Variants in ARHGAP39 observed in about 807,000 individuals in gnomAD.
ARHGAP39 encodes Rho GTPase activating protein 39.
In ARHGAP39, 44 loss-of-function variants were observed where a neutral mutation model predicts 106.9. That is an observed-to-expected ratio of 0.41 (90% CI 0.32 to 0.53). The LOEUF (loss-of-function observed/expected upper bound fraction) is 0.53, where lower values mean the gene tolerates loss of function less well. ARHGAP39 is among the 20% of genes least tolerant of loss of function. ARHGAP39 has a pLI of 0.21. For synonymous variants in ARHGAP39, 768 were observed against 693.2 expected (o/e 1.11, Z -1.69); for missense variants, 1,496 against 1,577.3 (o/e 0.95, Z 0.87).
At position 144,533,137 on chromosome 8, in the gene ARHGAP39, CTCTG is replaced by C; in HGVS notation, c.2873_2876del (p.Thr958ArgfsTer13). On this transcript the variant is annotated frameshift_variant, in exon 9 of 12. Coordinates refer to ENST00000377307, the MANE Select transcript of ARHGAP39 (RefSeq NM_025251.3). LOFTEE classifies it high-confidence loss of function. Reference sequence around the variant, plus strand: ...GGTTGCCGTGGCACCTGAAGATGCCCTCTGTCTGGTCACCGTTGAGCGCCAGCAC... The same window carrying C: ...GGTTGCCGTGGCACCTGAAGATGCCCTCTGGTCACCGTTGAGCGCCAGCAC... 1 of 1,602,496 alleles carries C rather than the reference CTCTG, an allele frequency of 6.2e-7. No homozygotes were observed. Among genetic ancestry groups the C allele is most frequent in the Non-Finnish European group, 8.5e-7 (1 of 1,175,690 alleles).
Position 144,548,580 on chromosome 8 carries a change from G to A in ARHGAP39, c.597-91C>T, listed in dbSNP as rs376211305. On this transcript the variant is annotated intron_variant, in intron 4 of 11. Transcript: ENST00000377307. The surrounding 1 kb of genome is among the most constrained non-coding windows in gnomAD (Gnocchi z 7.4). ...TCGGGGGCTGTAGGCAGCGGCTCCC[G>A]CGAACCCTCTGTTGTACACCTTCCT... 5 of 1,475,272 alleles carry A rather than the reference G, an allele frequency of 3.4e-6. No individual in the cohort carries two copies. The African/African-American group carries it at 4.2e-5, about 12-fold the overall frequency. The allele number at this position is 1,475,272 out of a possible 1,614,324, so 91.4% of individuals were successfully genotyped here.
intron 1 of ARHGAP39, among the ~76,000 whole-genome samples, chr8:144,673,794 C>T (rs1822162336): frequency 6.6e-6 from 1 of 152,248 alleles, no homozygotes; most frequent in Non-Finnish European, 1.5e-5. Context: ...AAGTGCAAGC[C>T]AGGTGCAAAG....
intron 1 of ARHGAP39, among the ~76,000 whole-genome samples, chr8:144,659,485 C>T (rs976154225): frequency 3.3e-5 from 5 of 152,208 alleles, no homozygotes; most frequent in Admixed American, 3.3e-4. Context: ...CATGACAAAA[C>T]GTCTCTGAGG....
chr8:144,650,079 G>T (rs1821537467), intron 1 of ARHGAP39, among the ~76,000 whole-genome samples: 1 of 151,940 alleles, frequency 6.6e-6, no homozygotes, highest in Non-Finnish European at 1.5e-5. Flanking sequence ...GGAGGTGGAG[G>T]TTGCAGTGAG....
At chr8:144,606,319 T>A (rs1401448737) in intron 1 of ARHGAP39, among the ~76,000 whole-genome samples, 2 of 152,224 alleles carry the variant, frequency 1.3e-5, no homozygotes, top group Non-Finnish European at 2.9e-5. Context: ...TTCTTCCTCC[T>A]CTGCCTCCCC....
chr8:144,695,544 G>C, the ARHGAP39 span, among the ~76,000 whole-genome samples: 1 of 152,142 alleles, frequency 6.6e-6, no homozygotes, highest in African/African-American at 2.4e-5. Context: ...TAGAGAAAAC[G>C]CCACACTTTG....
chr8:144,575,856 C>T (rs1163023970), intron 3 of ARHGAP39, among the ~76,000 whole-genome samples: 2 of 152,178 alleles, frequency 1.3e-5, no homozygotes, highest in East Asian at 1.9e-4. Flanking sequence ...CACAGACTTG[C>T]GAGTACGGTG....
At position 144,548,003 on chromosome 8, in the gene ARHGAP39, C is replaced by T. The variant is rs1363246422; in HGVS notation, c.1083G>A (p.Lys361=). The change falls in exon 5 of 12, where the codon AAG becomes AAA. Residue 361 remains lysine (K), a synonymous_variant. Coordinates refer to ENST00000377307, the MANE Select transcript of ARHGAP39 (RefSeq NM_025251.3). This position sits in a 1 kb window ranked among gnomAD's most constrained non-coding sequence, Gnocchi z 7.4. ...GCTGGCAGGGCGAGGGGGGGCCCTGCTTGTTGGGCTGGAGGAACGGCCGGG... is the reference window on the plus strand; with the variant it reads ...GCTGGCAGGGCGAGGGGGGGCCCTGTTTGTTGGGCTGGAGGAACGGCCGGG... The part of the protein sequence containing the change: ...RKPRPFLQPN[K]QGPPSPCQQL... 1 of 1,610,174 alleles carries T rather than the reference C, an allele frequency of 6.2e-7. No individual in the cohort carries two copies. The highest frequency in any genetic ancestry group is 2.2e-5 in the East Asian group (1 of 44,778).
At chr8:144,542,406 G>T (rs1292942549) in intron 6 of ARHGAP39, among the ~76,000 whole-genome samples, 2 of 152,198 alleles carry the variant, frequency 1.3e-5, no homozygotes, top group Non-Finnish European at 2.9e-5. Flanking sequence ...GGCTCCTGAG[G>T]CTGAGGCAGG....
chr8:144,597,558 C>A (rs946269496), intron 2 of ARHGAP39, among the ~76,000 whole-genome samples: 1 of 152,160 alleles, frequency 6.6e-6, no homozygotes, highest in Admixed American at 6.6e-5. Context: ...ATCTACGCGA[C>A]GCCCTTGAGG....
At chr8:144,616,815 G>A (rs1415093348) in intron 1 of ARHGAP39, among the ~76,000 whole-genome samples, 1 of 152,234 alleles carries the variant, frequency 6.6e-6, no homozygotes, top group African/African-American at 2.4e-5. Flanking sequence ...TTTAAAAAAT[G>A]ATTGTTTAAA....
At position 144,603,200 on chromosome 8, in the gene ARHGAP39, CGT is replaced by C. The variant is rs575090664; in HGVS notation, c.80+2333_80+2334del. Among the ~76,000 whole-genome samples the C allele has an allele frequency of 8.9e-4, 89 of 100,090 alleles. 1 individual carries two copies. Among genetic ancestry groups the C allele is most frequent in the African/African-American group, 2.6e-3 (66 of 25,142 alleles). The allele number at this position is 100,090 out of a possible 152,430, so 65.7% of individuals were successfully genotyped here. A position where few individuals can be genotyped will look rare whatever the true frequency, so the allele number is the denominator to read the frequency against. ...ATGTACCTGTGTGTGTGCGTGGAGG[CGT>C]GTGTGTGCTCATGTACCTGTGTGTG... is the stretch of plus-strand genomic sequence containing the variant. On this transcript the variant is annotated intron_variant, in intron 2 of 11. Coordinates refer to ENST00000377307, the MANE Select transcript of ARHGAP39 (RefSeq NM_025251.3).
chr8:144,603,560 C>T (rs796525695), intron 2 of ARHGAP39, among the ~76,000 whole-genome samples: 8 of 151,816 alleles, frequency 5.3e-5, no homozygotes, highest in Non-Finnish European at 7.4e-5. Context: ...CGTGGTGGTG[C>T]GCACCTGTAA....
At chr8:144,692,056 T>C in the ARHGAP39 span, among the ~76,000 whole-genome samples, 5 of 152,072 alleles carry the variant, frequency 3.3e-5, no homozygotes, top group African/African-American at 1.2e-4. Context: ...CTGGAAGCCA[T>C]GGGAGCTTCT....
chr8:144,593,302 G>A (rs1264506574), intron 2 of ARHGAP39, among the ~76,000 whole-genome samples: 2 of 152,208 alleles, frequency 1.3e-5, no homozygotes, highest in African/African-American at 2.4e-5. Flanking sequence ...CTGCCCTGGA[G>A]ACGTAGACAA....
chr8:144,554,443 G>GATCCTGGGGGAGAATGGC (rs369555752), intron 4 of ARHGAP39, among the ~76,000 whole-genome samples: 181 of 152,360 alleles, frequency 1.2e-3, no homozygotes, highest in African/African-American at 3.9e-3. Context: ...TCGGGCCCTT[G>GATCCTGGGGGAGAATGGC]ATCCTGGGGG....
chr8:144,616,860 A>G (rs1820650070), intron 1 of ARHGAP39, among the ~76,000 whole-genome samples: 1 of 152,242 alleles, frequency 6.6e-6, no homozygotes, highest in East Asian at 1.9e-4. Context: ...GCTCACTACC[A>G]TATATGCCCA....
intron 3 of ARHGAP39, among the ~76,000 whole-genome samples, chr8:144,565,051 C>T (rs529461491): frequency 2.0e-5 from 3 of 151,254 alleles, no homozygotes; most frequent in East Asian, 2.0e-4. Context: ...CAGAGGTTGC[C>T]GTGAGCCGAG....
the ARHGAP39 span, among the ~76,000 whole-genome samples, chr8:144,694,825 C>T: frequency 2.6e-5 from 4 of 152,140 alleles, no homozygotes; most frequent in Non-Finnish European, 5.9e-5. Context: ...GGGCCTTCTC[C>T]TTCCATAAGG....
Sources: allele counts gnomAD v4.1 joint callset (sites outside exome capture counted in the v4.1 genomes callset), GRCh38; gene constraint gnomAD v4.1.1; non-coding constraint Gnocchi (gnomAD v3.1); transcripts MANE v1.5; gene names NCBI Gene and HGNC (gene_info 2026-07-23, HGNC 2026-07-21).